Variants in SP100 observed in about 807,000 individuals in gnomAD.
SP100 encodes SP100 nuclear body protein.
A neutral mutation model predicts 130.0 loss-of-function variants in SP100; 84 were observed. The observed-to-expected ratio is 0.65, with a 90% CI of 0.54 to 0.77. The LOEUF is 0.77. Among genes scored for constraint, SP100 ranks in the 30% least tolerant of loss-of-function variants. SP100 has a pLI of 0.00. For synonymous variants in SP100, 331 were observed against 351.7 expected (o/e 0.94, Z 0.66); for missense variants, 978 against 1,052.2 (o/e 0.93, Z 0.97).
intron 8 of SP100, among the ~76,000 whole-genome samples, chr2:230,454,465 A>G (rs1074464): frequency 0.24 from 36,618 of 151,986 alleles, 4,693 homozygotes; most frequent in Non-Finnish European, 0.29. Context: ...GCTATATCCC[A>G]TAAGTTTTGA....
intron 19 of SP100, among the ~76,000 whole-genome samples, chr2:230,501,177 G>C (rs1213860157): frequency 6.6e-6 from 1 of 152,178 alleles, no homozygotes; most frequent in Non-Finnish European, 1.5e-5. Context: ...GGGAGGTGGA[G>C]GTTGCAGCCA....
At chr2:230,433,438 CT>C (rs899319930) in intron 2 of SP100, among the ~76,000 whole-genome samples, 28 of 152,214 alleles carry the variant, frequency 1.8e-4, no homozygotes, top group African/African-American at 6.7e-4. Flanking sequence ...AGTCTTCCAA[CT>C]TTTTTCTTCT....
In SP100 at chr2:230,545,473, G is replaced by A. The variant is rs1692278340; in HGVS notation, c.*2527G>A. Among the ~76,000 whole-genome samples, 1 of 152,016 alleles carries A rather than the reference G, an allele frequency of 6.6e-6. No individual in the cohort carries two copies. Among genetic ancestry groups the A allele is most frequent in the Non-Finnish European group, 1.5e-5 (1 of 68,014 alleles). Reference sequence around the variant, plus strand: ...AGAGGAGCAGAAAAAGTACCTATTGGTGATGAAGTACTCTGTACAACAAAC... The same window carrying A: ...AGAGGAGCAGAAAAAGTACCTATTGATGATGAAGTACTCTGTACAACAAAC... On this transcript the variant is annotated 3_prime_UTR_variant, in exon 29 of 29. Coordinates refer to ENST00000340126, the MANE Select transcript of SP100 (RefSeq NM_001080391.2).
chr2:230,446,783 G>A lies in SP100; in HGVS notation c.440-36G>A, dbSNP rs773773855. On this transcript the variant is annotated intron_variant, in intron 4 of 28. Transcript: ENST00000340126. ...CCAGACATTGTCCCTGGTCCCTGTA[G>A]ATCTCTAATTGCTTCTTCTCTCTCC... The A allele has an allele frequency of 2.6e-5, 34 of 1,311,232 alleles. No individual in the cohort carries two copies. In the Middle Eastern group the frequency reaches 2.0e-3, roughly 79 times the overall value. The allele number at this position is 1,311,232 out of a possible 1,614,324, so 81.2% of individuals were successfully genotyped here. A position where few individuals can be genotyped will look rare whatever the true frequency, so the allele number is the denominator to read the frequency against.
At chr2:230,436,373 A>T (rs1171456996) in intron 2 of SP100, among the ~76,000 whole-genome samples, 1 of 151,996 alleles carries the variant, frequency 6.6e-6, no homozygotes, top group East Asian at 1.9e-4. Flanking sequence ...AATCCCCGTA[A>T]TCTCCAGGTG....
rs1270777047 is a variant in SP100, at chr2:230,439,206, A to AT, written c.108-3725dup. Among the ~76,000 whole-genome samples, 7 of 151,766 alleles carry AT rather than the reference A, an allele frequency of 4.6e-5. No homozygotes were observed. In the East Asian group the frequency reaches 1.2e-3, roughly 25 times the overall value. ...CCCACTTTTTGATAAGATTATCTGAATTTTTTCTTGCTGATTTGTTTGAGT... is the reference window on the plus strand; with the variant it reads ...CCCACTTTTTGATAAGATTATCTGAATTTTTTTCTTGCTGATTTGTTTGAGT... On this transcript the variant is annotated intron_variant, in intron 2 of 28. Coordinates refer to ENST00000340126, the MANE Select transcript of SP100 (RefSeq NM_001080391.2).
chr2:230,458,046 A>G (rs551973320), intron 8 of SP100, among the ~76,000 whole-genome samples: 8 of 152,328 alleles, frequency 5.3e-5, no homozygotes, highest in African/African-American at 1.9e-4. Context: ...GAAAGAATAC[A>G]AAAGAGGTCA....
chr2:230,459,134 T>C (rs1317601522), intron 8 of SP100, among the ~76,000 whole-genome samples: 1 of 151,182 alleles, frequency 6.6e-6, no homozygotes, highest in Non-Finnish European at 1.5e-5. Flanking sequence ...AGACTATGAA[T>C]AGAAAAAACA....
intron 7 of SP100, 69 bp downstream of exon 7, chr2:230,449,779 C>A: frequency 6.6e-7 from 1 of 1,507,886 alleles, no homozygotes; most frequent in Non-Finnish European, 9.2e-7. Flanking sequence ...GAGGAAGAGT[C>A]TAATGCACAA....
At chr2:230,445,113 T>C (rs890383811) in intron 4 of SP100, among the ~76,000 whole-genome samples, 3 of 152,256 alleles carry the variant, frequency 2.0e-5, no homozygotes, top group Non-Finnish European at 2.9e-5. Flanking sequence ...TGCCAGGGAC[T>C]ATTTTTGGTG....
chr2:230,486,133 A>G (rs1447978107), intron 17 of SP100, among the ~76,000 whole-genome samples: 1 of 152,194 alleles, frequency 6.6e-6, no homozygotes, highest in Non-Finnish European at 1.5e-5. Flanking sequence ...GGAAACTTAC[A>G]ATTACAGCGG....
chr2:230,498,583 T>C (rs772147161), intron 19 of SP100, 48 bp downstream of exon 19: 10 of 1,064,280 alleles, frequency 9.4e-6, no homozygotes, highest in Non-Finnish European at 1.2e-5. Flanking sequence ...TAAATTCTCA[T>C]GCTCTTAGTA....
chr2:230,468,827 A>G lies in SP100; in HGVS notation c.1292-216A>G, dbSNP rs867893058. 12 of 285,222 alleles carry G rather than the reference A, an allele frequency of 4.2e-5. No individual in the cohort carries two copies. The East Asian group carries it at 7.2e-4, about 17-fold the overall frequency. The allele number at this position is 285,222 out of a possible 1,614,324, so 17.7% of individuals were successfully genotyped here. On this transcript the variant is annotated intron_variant, in intron 13 of 28. Transcript: ENST00000340126. ...AGTGAGACCCTGTCTCAAAAAAAAAAAAAAAAAAAAAAAAGTCATTGATTT... is the reference window on the plus strand; with the variant it reads ...AGTGAGACCCTGTCTCAAAAAAAAAGAAAAAAAAAAAAAAGTCATTGATTT...
Position 230,511,281 on chromosome 2 carries a change from G to A in SP100, c.2094+115G>A, listed in dbSNP as rs564663412. On this transcript the variant is annotated intron_variant, in intron 24 of 28. Transcript: ENST00000340126. ...TCAGTCTCAGTTGGAGTATGTTGCT[G>A]TGTGTGATTAGAAGATGCAAGCCAG... is the stretch of plus-strand genomic sequence containing the variant. The A allele has an allele frequency of 5.2e-5, 42 of 800,884 alleles. No individual in the cohort carries two copies. In the African/African-American group the frequency reaches 6.6e-4, roughly 13 times the overall value. 49.6% of individuals were successfully genotyped at this position (800,884 alleles called of 1,614,324 possible).
chr2:230,449,483 C>A, intron 6 of SP100, 78 bp from the exon 7 acceptor site: 2 of 1,503,086 alleles, frequency 1.3e-6, no homozygotes, highest in Non-Finnish European at 9.3e-7. Flanking sequence ...CCATCAGTGG[C>A]CCGTGCTGTA....
intron 5 of SP100, among the ~76,000 whole-genome samples, chr2:230,447,865 A>G (rs1217859188): frequency 6.6e-6 from 1 of 152,164 alleles, no homozygotes; most frequent in East Asian, 1.9e-4. Flanking sequence ...CTGGAGGTCA[A>G]GAGGTGGAGC....
chr2:230,522,303 T>C (rs184998128), intron 24 of SP100, among the ~76,000 whole-genome samples: 3 of 152,118 alleles, frequency 2.0e-5, no homozygotes, highest in Non-Finnish European at 4.4e-5. Flanking sequence ...GATAAACTGA[T>C]ATTCTTTCAT....
At position 230,508,002 on chromosome 2, in the gene SP100, C is replaced by A; in HGVS notation, c.2023C>A (p.Leu675Met). ...TLKVLMENKF[L>M]PEPPSTRKKR... The stretch of plus-strand genomic sequence containing the variant: ...CTCTTTTCTTTTTTAGAACAAATTT[C>A]TGCCAGAACCACCAAGCACAAGAAA... Residue 675 changes from leucine to methionine, a missense_variant, in exon 23 of 29, where the codon CTG (leucine) becomes ATG (methionine). Physicochemically the swap from Leu to Met is conservative, Grantham distance 15 (BLOSUM62 2). Coordinates refer to ENST00000340126, the MANE Select transcript of SP100 (RefSeq NM_001080391.2). 1 of 1,613,300 alleles carries A rather than the reference C, an allele frequency of 6.2e-7. No homozygotes were observed. Among genetic ancestry groups the A allele is most frequent in the Non-Finnish European group, 8.5e-7 (1 of 1,179,610 alleles).
intron 24 of SP100, among the ~76,000 whole-genome samples, chr2:230,528,957 T>C (rs1282613341): frequency 6.6e-6 from 1 of 152,016 alleles, no homozygotes; most frequent in African/African-American, 2.4e-5. Flanking sequence ...ACCAAAAAAG[T>C]CCAGGACCAG....
Sources: allele counts gnomAD v4.1 joint callset (sites outside exome capture counted in the v4.1 genomes callset), GRCh38; gene constraint gnomAD v4.1.1; transcripts MANE v1.5; gene names NCBI Gene and HGNC (gene_info 2026-07-23, HGNC 2026-07-21).